The following NTN1 variants were observed in gnomAD, a reference collection of about 807,000 sequenced individuals.
NTN1 encodes the protein netrin-1.
A neutral mutation model predicts 54.2 loss-of-function variants in NTN1; 11 were observed. That is an observed-to-expected ratio of 0.20 (90% CI 0.13 to 0.34). The LOEUF is 0.34. Ranked by LOEUF, NTN1 falls within the 10% of genes least tolerant of loss-of-function variation. The pLI is 1.00. For missense variants in NTN1, 740 were observed against 893.1 expected (o/e 0.83, Z 2.18); for synonymous variants, 371 against 382.0 (o/e 0.97, Z 0.33).
chr17:9,117,924 C>G (rs948612255), intron 2 of NTN1, among the ~76,000 whole-genome samples: 21 of 152,044 alleles, frequency 1.4e-4, no homozygotes, highest in Admixed American at 1.1e-3. Context: ...CCTTTTTGTC[C>G]CCCTCATGTT....
upstream of NTN1, among the ~76,000 whole-genome samples, chr17:9,021,284 C>T (rs2091846101): frequency 1.3e-5 from 2 of 151,964 alleles, no homozygotes; most frequent in Admixed American, 6.5e-5. Context: ...CGGGGTTTCC[C>T]CGGGTGCTCT....
chr17:9,129,196 G>A (rs1324226129), intron 2 of NTN1, among the ~76,000 whole-genome samples: 2 of 152,134 alleles, frequency 1.3e-5, no homozygotes, highest in African/African-American at 2.4e-5. Flanking sequence ...CGTGGGACTG[G>A]GTTTAGAGGG....
chr17:9,048,869 C>T lies in NTN1; in HGVS notation c.1018+25478C>T, dbSNP rs765509414. 9.9e-5 allele frequency among the ~76,000 whole-genome samples: 15 copies of T among 152,148 alleles called. No individual in the cohort carries two copies. In the South Asian group the frequency reaches 2.1e-3, roughly 21 times the overall value. On this transcript the variant is annotated intron_variant, in intron 2 of 6. Coordinates refer to ENST00000173229, the MANE Select transcript of NTN1 (RefSeq NM_004822.3). ...TGGGGTTTCACCATGTTGTTCAGGC[C>T]GGTCTCAAACTCCTGACCTCAGGTG... is the stretch of plus-strand genomic sequence containing the variant.
chr17:9,077,608 T>C (rs2092055354), intron 2 of NTN1, among the ~76,000 whole-genome samples: 1 of 152,054 alleles, frequency 6.6e-6, no homozygotes, highest in Non-Finnish European at 1.5e-5. Context: ...TGAATAATAA[T>C]AACAACAAAT....
chr17:9,032,605 A>G (rs972290708), intron 2 of NTN1, among the ~76,000 whole-genome samples: 3 of 152,240 alleles, frequency 2.0e-5, no homozygotes, highest in Admixed American at 6.5e-5. Flanking sequence ...AGTGCCGAAC[A>G]AGAATAGTTC....
At chr17:9,106,516 C>CCTTA (rs2092167375) in intron 2 of NTN1, among the ~76,000 whole-genome samples, 2 of 116,372 alleles carry the variant, frequency 1.7e-5, no homozygotes, top group Non-Finnish European at 3.5e-5. Context: ...TTCCTTCCTT[C>CCTTA]CTTCCTTCCT....
At chr17:9,015,224 A>G in the NTN1 span, among the ~76,000 whole-genome samples, 1 of 152,152 alleles carries the variant, frequency 6.6e-6, no homozygotes, top group Non-Finnish European at 1.5e-5. Flanking sequence ...CAACCTGGCC[A>G]ATATGGTGAA....
At chr17:9,063,007 C>A (rs182688958) in intron 2 of NTN1, among the ~76,000 whole-genome samples, 1 of 152,074 alleles carries the variant, frequency 6.6e-6, no homozygotes, top group African/African-American at 2.4e-5. Context: ...AAATCCTGTC[C>A]CAGAGATGAG....
chr17:9,213,741 G>T (rs556038123), intron 5 of NTN1, among the ~76,000 whole-genome samples: 2 of 152,174 alleles, frequency 1.3e-5, no homozygotes, highest in Non-Finnish European at 1.5e-5. Flanking sequence ...GCGTGAAATC[G>T]ATTTGTCCTT....
chr17:9,132,244 C>G (rs867620840), intron 2 of NTN1, among the ~76,000 whole-genome samples: 10 of 152,180 alleles, frequency 6.6e-5, no homozygotes, highest in African/African-American at 1.9e-4. Context: ...TCCTGTCACT[C>G]TGTCCACTAA....
chr17:9,012,027 A>T, the NTN1 span, among the ~76,000 whole-genome samples: 1 of 152,160 alleles, frequency 6.6e-6, no homozygotes, highest in Non-Finnish European at 1.5e-5. Context: ...ATTCTGAGGG[A>T]AAAGAATAGT....
At chr17:9,028,158 G>C (rs1231156268) in intron 2 of NTN1, among the ~76,000 whole-genome samples, 2 of 152,062 alleles carry the variant, frequency 1.3e-5, no homozygotes, top group Non-Finnish European at 2.9e-5. Flanking sequence ...TTTCACCCTA[G>C]TGTTCACTAT....
At chr17:9,033,066 G>A (rs2091892766) in intron 2 of NTN1, among the ~76,000 whole-genome samples, 1 of 149,336 alleles carries the variant, frequency 6.7e-6, no homozygotes, top group Non-Finnish European at 1.5e-5. Flanking sequence ...TGATTCTTCT[G>A]TCTCAGCCTC....
intron 2 of NTN1, among the ~76,000 whole-genome samples, chr17:9,042,081 T>A (rs1407722951): frequency 6.6e-6 from 1 of 152,006 alleles, no homozygotes; most frequent in African/African-American, 2.4e-5. Context: ...TTCAGGCAGT[T>A]ATACTGTTCC....
At chr17:9,104,723 C>A (rs2092160517) in intron 2 of NTN1, among the ~76,000 whole-genome samples, 1 of 152,192 alleles carries the variant, frequency 6.6e-6, no homozygotes, top group Admixed American at 6.5e-5. Flanking sequence ...CCTGGTCTGG[C>A]CTTTTTTTGA....
At chr17:9,182,221 C>T (rs1199507487) in intron 4 of NTN1, among the ~76,000 whole-genome samples, 1 of 130,968 alleles carries the variant, frequency 7.6e-6, no homozygotes, top group Non-Finnish European at 1.8e-5. Flanking sequence ...TCAAGCCATC[C>T]TCCCCAAACG....
chr17:9,180,677 G>A (rs2092416278), intron 4 of NTN1, among the ~76,000 whole-genome samples: 1 of 152,198 alleles, frequency 6.6e-6, no homozygotes, highest in African/African-American at 2.4e-5. Context: ...GGACAGCCCA[G>A]GGCCTTCGAG....
At position 9,101,684 on chromosome 17, in the gene NTN1, TG is replaced by T. The variant is rs563567122; in HGVS notation, c.1019-61124del. On this transcript the variant is annotated intron_variant, in intron 2 of 6. Coordinates refer to ENST00000173229, the MANE Select transcript of NTN1 (RefSeq NM_004822.3). The stretch of plus-strand genomic sequence containing the variant: ...CCTAATCCCTGCCTTGCCTTCTTAT[TG>T]GGGGATTGTGAACTGCACCTAAAAC... Among the ~76,000 whole-genome samples the T allele has an allele frequency of 4.2e-3, 637 of 152,260 alleles. 5 individuals carry two copies. Among genetic ancestry groups the T allele is most frequent in the African/African-American group, 0.014 (591 of 41,554 alleles).
At chr17:9,214,716 G>A (rs1246430821) in intron 5 of NTN1, among the ~76,000 whole-genome samples, 2 of 152,202 alleles carry the variant, frequency 1.3e-5, no homozygotes, top group Non-Finnish European at 2.9e-5. Context: ...CAGCTACTCA[G>A]GAGGCTGAGG....
Sources: gnomAD v4.1 joint callset for allele counts (sites outside exome capture counted in the v4.1 genomes callset) on GRCh38, gnomAD v4.1.1 for gene constraint, MANE v1.5 for transcripts, NCBI Gene and HGNC (gene_info 2026-07-23, HGNC 2026-07-21) for gene names.